Variants in ATP13A4 observed in about 807,000 individuals in gnomAD.
ATP13A4 encodes ATPase 13A4, also known as probable cation-transporting ATPase 13A4.
A neutral mutation model predicts 142.5 loss-of-function variants in ATP13A4; 114 were observed. The observed-to-expected ratio is 0.80, with a 90% CI of 0.69 to 0.93. ATP13A4 has a LOEUF of 0.93. ATP13A4 is among the 40% of genes least tolerant of loss of function. The pLI is 0.00. For missense variants in ATP13A4, 1,392 were observed against 1,454.0 expected, an observed-to-expected ratio of 0.96 and a Z score of 0.69; for synonymous variants, 488 against 514.8, an observed-to-expected ratio of 0.95 and a Z score of 0.70.
chr3:193,448,711 AGCACT>A (rs1443599117), intron 17 of ATP13A4, among the ~76,000 whole-genome samples: 2 of 152,266 alleles, frequency 1.3e-5, no homozygotes, highest in Non-Finnish European at 2.9e-5. Flanking sequence ...CACTCATTCA[AGCACT>A]GTTAGGGGCT....
chr3:193,469,162 A>T (rs1191855380), intron 9 of ATP13A4, among the ~76,000 whole-genome samples: 1 of 152,224 alleles, frequency 6.6e-6, no homozygotes, highest in Non-Finnish European at 1.5e-5. Flanking sequence ...AGCACCAACA[A>T]TTCAGGAGAT....
At position 193,489,866 on chromosome 3, in the gene ATP13A4, T is replaced by C; in HGVS notation, c.604-2A>G. 6.2e-7 allele frequency: 1 copy of C among 1,612,608 alleles called. No homozygotes were observed. The highest frequency in any genetic ancestry group is 8.5e-7 in the Non-Finnish European group (1 of 1,179,008). On this transcript the variant is annotated splice_acceptor_variant, in intron 6 of 29. Transcript: ENST00000342695. LOFTEE classifies it high-confidence loss of function. ...AAATATATAAAATGGATTTAGAACCTGTTGGCAGACATAAAAACAGGAAGA... is the reference window on the plus strand; with the variant it reads ...AAATATATAAAATGGATTTAGAACCCGTTGGCAGACATAAAAACAGGAAGA...
chr3:193,564,708 C>G (rs1349376700), intron 2 of ATP13A4, among the ~76,000 whole-genome samples: 1 of 152,192 alleles, frequency 6.6e-6, no homozygotes, highest in Admixed American at 6.5e-5. Context: ...TGCTTAGCCA[C>G]TTACTATCAG....
In ATP13A4 at chr3:193,542,367, G is replaced by C. The variant is rs192035879; in HGVS notation, c.60+12373C>G. On this transcript the variant is annotated intron_variant, in intron 1 of 29. Transcript: ENST00000342695. ...AACATTCCATGCTCATGAATAGGAA[G>C]AATCAATATCATGAAAATGGCCACA... Among the ~76,000 whole-genome samples, 690 of 152,126 alleles carry C rather than the reference G, an allele frequency of 4.5e-3. 5 individuals carry two copies. The highest frequency in any genetic ancestry group is 0.014 in the Middle Eastern group (4 of 294).
At chr3:193,536,507 A>C (rs1430457674) in intron 1 of ATP13A4, among the ~76,000 whole-genome samples, 1 of 152,208 alleles carries the variant, frequency 6.6e-6, no homozygotes, top group Middle Eastern at 3.4e-3. Context: ...TCAACTTAAT[A>C]AGGAGCATTT....
chr3:193,430,553 T>G (rs538014857), intron 25 of ATP13A4, among the ~76,000 whole-genome samples: 69 of 152,256 alleles, frequency 4.5e-4, no homozygotes, highest in East Asian at 1.2e-3. Flanking sequence ...ACTATTAAAG[T>G]GATCTTTCTG....
chr3:193,434,002 A>C, intron 24 of ATP13A4, 85 bp from the exon 25 acceptor site: 1 of 1,132,728 alleles, frequency 8.8e-7, no homozygotes. Context: ...TCTCACTGTG[A>C]CATAGGGTTT....
chr3:193,510,216 T>G (rs370978930), intron 2 of ATP13A4, among the ~76,000 whole-genome samples: 45 of 152,320 alleles, frequency 3.0e-4, no homozygotes, highest in African/African-American at 1.1e-3. Context: ...ACTGGCAGAC[T>G]TTAAGATGAC....
chr3:193,450,123 A>G (rs548168482), intron 17 of ATP13A4, among the ~76,000 whole-genome samples: 5 of 152,100 alleles, frequency 3.3e-5, no homozygotes, highest in Admixed American at 6.5e-5. Context: ...CAAAAAAAAA[A>G]AAAAGAAAAG....
At position 193,474,718 on chromosome 3, in the gene ATP13A4, GAGAGAAAGAA is replaced by G. The variant is rs1439070066; in HGVS notation, c.809-3735_809-3726del. ...AGAAAAAAGGAAGGAAGGAAAGAGA[GAGAGAAAGAA>G]AGAGAAAGAAAGAAAGAAAGGAAAA... On this transcript the variant is annotated intron_variant, in intron 8 of 29. Coordinates refer to ENST00000342695, the MANE Select transcript of ATP13A4 (RefSeq NM_032279.4). Among the ~76,000 whole-genome samples the G allele has an allele frequency of 1.3e-3, 138 of 109,840 alleles. 2 individuals carry two copies. Among genetic ancestry groups the G allele is most frequent in the East Asian group, 7.1e-3 (26 of 3,684 alleles). The allele number at this position is 109,840 out of a possible 152,430, so 72.1% of individuals were successfully genotyped here.
rs115558454 is a variant in ATP13A4 at position 193,412,265 on chromosome 3, C to T, written c.3121G>A (p.Val1041Ile). The change falls in exon 27 of 30, where the codon GTC (valine) becomes ATC (isoleucine). Residue 1041 changes from valine to isoleucine, a missense_variant. Transcript: ENST00000342695. ...CAGTTGATTGTTCCCAAGAACCAGACTGTAGTGTTCTCAAAACTTGTGAAG... is the reference window on the plus strand; with the variant it reads ...CAGTTGATTGTTCCCAAGAACCAGATTGTAGTGTTCTCAAAACTTGTGAAG... ...STFTSFENTTVWFLGTINCIT... is the reference protein window; with the variant it reads ...STFTSFENTTIWFLGTINCIT... The T allele has an allele frequency of 1.1e-4, 183 of 1,613,472 alleles. 1 individual carries two copies. In the African/African-American group the frequency reaches 2.2e-3, roughly 19 times the overall value.
At position 193,412,268 on chromosome 3, in the gene ATP13A4, T is replaced by C. The variant is rs768228471; in HGVS notation, c.3118A>G (p.Thr1040Ala). Residue 1040 changes from threonine (T) to alanine (A), a missense_variant, in exon 27 of 30, where the codon ACA (threonine) becomes GCA (alanine). Thr to Ala is a moderately conservative substitution (Grantham distance 58, BLOSUM62 0). Coordinates refer to ENST00000342695, the MANE Select transcript of ATP13A4 (RefSeq NM_032279.4). ...NSTFTSFENT[T>A]VWFLGTINCI... ...TTGATTGTTCCCAAGAACCAGACTG[T>C]AGTGTTCTCAAAACTTGTGAAGGTG... 7.4e-6 allele frequency: 12 copies of C among 1,613,508 alleles called. No individual in the cohort carries two copies. The highest frequency in any genetic ancestry group is 1.1e-5 in the South Asian group (1 of 91,070).
intron 25 of ATP13A4, among the ~76,000 whole-genome samples, chr3:193,421,256 G>C (rs1478769116): frequency 6.7e-6 from 1 of 149,694 alleles, no homozygotes; most frequent in African/African-American, 2.5e-5. Context: ...GAGAGAGTGA[G>C]ATGATATATT....
chr3:193,440,718 A>C (rs949259636), intron 20 of ATP13A4, 81 bp from the exon 21 acceptor site: 1 of 1,432,024 alleles, frequency 7.0e-7, no homozygotes, highest in Non-Finnish European at 9.8e-7. Context: ...CAGAATGTTG[A>C]CTGCATCATG....
intron 13 of ATP13A4, 127 bp from the exon 14 acceptor site, chr3:193,459,358 C>A: frequency 1.7e-6 from 2 of 1,171,836 alleles, no homozygotes; most frequent in South Asian, 1.3e-5. Context: ...AGCCACTCTC[C>A]AATCCTCCCA....
At chr3:193,466,294 A>C (rs1718282520) in intron 10 of ATP13A4, 112 bp from the exon 11 acceptor site, 7 of 1,313,538 alleles carry the variant, frequency 5.3e-6, no homozygotes, top group Admixed American at 1.7e-5. Context: ...ACAGTGTTTA[A>C]GCTCAAAGGC....
intron 1 of ATP13A4, among the ~76,000 whole-genome samples, chr3:193,544,655 T>C (rs957020350): frequency 2.0e-5 from 3 of 152,200 alleles, no homozygotes; most frequent in African/African-American, 7.2e-5. Flanking sequence ...TCCTAATCAC[T>C]TCTAAGCCCA....
At chr3:193,560,888 G>A (rs1020066036) in intron 2 of ATP13A4, among the ~76,000 whole-genome samples, 4 of 152,208 alleles carry the variant, frequency 2.6e-5, no homozygotes, top group Non-Finnish European at 5.9e-5. Flanking sequence ...AAGCAGAAAT[G>A]TTCCCAACAA....
At chr3:193,536,863 T>C (rs1326635256) in intron 1 of ATP13A4, among the ~76,000 whole-genome samples, 1 of 151,896 alleles carries the variant, frequency 6.6e-6, no homozygotes, top group African/African-American at 2.4e-5. Context: ...ACTACTACAA[T>C]CACTCCAAAG....
Sources: allele counts gnomAD v4.1 joint callset (sites outside exome capture counted in the v4.1 genomes callset), GRCh38; gene constraint gnomAD v4.1.1; transcripts MANE v1.5; gene names NCBI Gene and HGNC (gene_info 2026-07-23, HGNC 2026-07-21).